The following CNOT6 variants were observed in gnomAD, a reference collection of about 807,000 sequenced individuals.
CNOT6 encodes carbon catabolite repression 4 protein.
CNOT6 carries 12 observed loss-of-function variants against 61.2 expected under a neutral mutation model. The observed-to-expected ratio is 0.20, with a 90% CI of 0.13 to 0.32. The LOEUF (loss-of-function observed/expected upper bound fraction) is 0.32, where lower values mean the gene tolerates loss of function less well. Among genes scored for constraint, CNOT6 ranks in the 10% least tolerant of loss-of-function variants. The pLI is 1.00. For missense variants in CNOT6, 405 were observed against 663.9 expected, an observed-to-expected ratio of 0.61 and a Z score of 4.28; for synonymous variants, 225 against 240.6, an observed-to-expected ratio of 0.94 and a Z score of 0.60.
At chr5:180,552,597 G>GAC (rs1759673969) in intron 3 of CNOT6, among the ~76,000 whole-genome samples, 1 of 149,902 alleles carries the variant, frequency 6.7e-6, no homozygotes, top group Non-Finnish European at 1.5e-5. Context: ...AGTGAGCCGA[G>GAC]ATCGCATCAC....
intron 3 of CNOT6, among the ~76,000 whole-genome samples, chr5:180,551,102 G>A (rs1416321851): frequency 6.6e-6 from 1 of 152,004 alleles, no homozygotes; most frequent in African/African-American, 2.4e-5. Flanking sequence ...CCAGTACTTT[G>A]AGTGGCTGAG....
intron 5 of CNOT6, 22 bp from the exon 6 acceptor site, chr5:180,564,653 T>A: frequency 6.2e-7 from 1 of 1,611,622 alleles, no homozygotes; most frequent in Non-Finnish European, 8.5e-7. Context: ...ATTGCTTAAT[T>A]CTGTATTTTC....
At chr5:180,509,912 G>C (rs183339392) in intron 1 of CNOT6, among the ~76,000 whole-genome samples, 1 of 149,616 alleles carries the variant, frequency 6.7e-6, no homozygotes, top group African/African-American at 2.5e-5. Context: ...AGATTATCAC[G>C]GGGTTCTGAT....
chr5:180,521,371 T>G (rs1405678914), intron 1 of CNOT6, among the ~76,000 whole-genome samples: 1 of 152,218 alleles, frequency 6.6e-6, no homozygotes, highest in African/African-American at 2.4e-5. Context: ...GTTGCCTGTT[T>G]AAGTGACTCA....
intron 2 of CNOT6, among the ~76,000 whole-genome samples, chr5:180,540,557 T>G (rs557271343): frequency 6.6e-6 from 1 of 152,324 alleles, no homozygotes; most frequent in East Asian, 1.9e-4. Context: ...AACACTTGAT[T>G]AAAAATAGGC....
chr5:180,503,973 T>C (rs1247895068), intron 1 of CNOT6, among the ~76,000 whole-genome samples: 1 of 152,210 alleles, frequency 6.6e-6, no homozygotes, highest in Non-Finnish European at 1.5e-5. Context: ...AATTTGATAA[T>C]ATAGGAAAAC....
At chr5:180,522,269 G>A (rs1239255869) in intron 1 of CNOT6, among the ~76,000 whole-genome samples, 1 of 151,926 alleles carries the variant, frequency 6.6e-6, no homozygotes, top group Non-Finnish European at 1.5e-5. Flanking sequence ...ATGCCACCAT[G>A]CTGGCTAATT....
chr5:180,509,826 GTGT>G (rs890452281), intron 1 of CNOT6, among the ~76,000 whole-genome samples: 6 of 134,174 alleles, frequency 4.5e-5, no homozygotes, highest in South Asian at 2.4e-4. Flanking sequence ...TGATACCTTG[GTGT>G]TTTTTTTTTT....
chr5:180,520,874 TCTTTCTGTCGC>T, intron 1 of CNOT6, among the ~76,000 whole-genome samples: 1 of 151,670 alleles, frequency 6.6e-6, no homozygotes, highest in East Asian at 1.9e-4. Context: ...AGATGGAGTC[TCTTTCTGTCGC>T]CCAGGCTGGA....
chr5:180,529,213 A>AAAAT, intron 1 of CNOT6, 62 bp from the exon 2 acceptor site: 20 of 766,358 alleles, frequency 2.6e-5, no homozygotes, highest in Non-Finnish European at 3.9e-5. Context: ...AAAAAAAAAA[A>AAAAT]GGTGTTGTGG....
intron 9 of CNOT6, 117 bp from the exon 10 acceptor site, chr5:180,568,993 T>C: frequency 1.4e-6 from 1 of 721,178 alleles, no homozygotes; most frequent in Non-Finnish European, 2.3e-6. Flanking sequence ...GTGGGAATTT[T>C]AGGTGTCTTT....
chr5:180,539,007 G>A (rs1365357064), intron 2 of CNOT6, among the ~76,000 whole-genome samples: 1 of 124,076 alleles, frequency 8.1e-6, no homozygotes, highest in African/African-American at 2.7e-5. Flanking sequence ...AACCCCATCT[G>A]TACTAAAAAT....
chr5:180,525,847 C>T (rs1290948993), intron 1 of CNOT6, among the ~76,000 whole-genome samples: 1 of 152,020 alleles, frequency 6.6e-6, no homozygotes, highest in Non-Finnish European at 1.5e-5. Context: ...ATATCAAATG[C>T]TGATCATAAG....
At chr5:180,536,030 C>G in intron 2 of CNOT6, among the ~76,000 whole-genome samples, 1 of 115,560 alleles carries the variant, frequency 8.7e-6, no homozygotes, top group Non-Finnish European at 1.6e-5. Context: ...CAGTCTCACT[C>G]TGTTGCCCAG....
chr5:180,560,018 G>A (rs1463701817), intron 4 of CNOT6, among the ~76,000 whole-genome samples: 8 of 149,864 alleles, frequency 5.3e-5, no homozygotes, highest in East Asian at 2.0e-4. Flanking sequence ...GCGCGATCTC[G>A]GCTCACTGCA....
chr5:180,570,849 T>G (rs1760713688), intron 10 of CNOT6, among the ~76,000 whole-genome samples: 1 of 152,202 alleles, frequency 6.6e-6, no homozygotes, highest in Non-Finnish European at 1.5e-5. Flanking sequence ...TTATACCAAG[T>G]AAATAATTGA....
intron 2 of CNOT6, among the ~76,000 whole-genome samples, chr5:180,531,730 C>G (rs1442926681): frequency 3.3e-5 from 5 of 152,248 alleles, no homozygotes; most frequent in Non-Finnish European, 7.3e-5. Context: ...CGTCTGTAAT[C>G]CCGGCACCTC....
intron 2 of CNOT6, among the ~76,000 whole-genome samples, chr5:180,541,932 GC>G (rs1357400222): frequency 1.3e-5 from 2 of 151,440 alleles, no homozygotes; most frequent in South Asian, 4.2e-4. Context: ...GTGATACACT[GC>G]AGCCTCAAAC....
chr5:180,548,459 C>G (rs1196732302), intron 2 of CNOT6, among the ~76,000 whole-genome samples: 1 of 152,176 alleles, frequency 6.6e-6, no homozygotes, highest in East Asian at 1.9e-4. Flanking sequence ...TCTCTGTTCT[C>G]TTCTCTTCTC....
Sources: gnomAD v4.1 joint callset for allele counts (sites outside exome capture counted in the v4.1 genomes callset) on GRCh38, gnomAD v4.1.1 for gene constraint, MANE v1.5 for transcripts, NCBI Gene and HGNC (gene_info 2026-07-23, HGNC 2026-07-21) for gene names.